The following UBXN8 variants were observed in gnomAD, a reference collection of about 807,000 sequenced individuals.
UBXN8 encodes the protein UBX domain protein 8.
Under a neutral mutation model 32.1 loss-of-function variants are expected in UBXN8, and 27 were observed. That is an observed-to-expected ratio of 0.84 (90% CI 0.62 to 1.16). The LOEUF (loss-of-function observed/expected upper bound fraction) is 1.16, where lower values mean the gene tolerates loss of function less well. UBXN8 is among the 50% of genes most tolerant of loss of function. The probability of loss-of-function intolerance (pLI) is 0.00; values close to 1 mark genes in which losing one functional copy is unlikely to be tolerated. For missense variants in UBXN8, 306 were observed against 311.4 expected (o/e 0.98, Z 0.13); for synonymous variants, 109 against 111.8 (o/e 0.98, Z 0.16).
chr8:30,750,490 C>T (rs910262621), intron 1 of UBXN8, among the ~76,000 whole-genome samples: 3 of 151,480 alleles, frequency 2.0e-5, no homozygotes, highest in Admixed American at 1.3e-4. Flanking sequence ...AACACCCTGT[C>T]GGCCGGGCAC....
At position 30,759,181 on chromosome 8, in the gene UBXN8, C is replaced by G. The variant is rs540871260; in HGVS notation, c.529-1707C>G. On this transcript the variant is annotated intron_variant, in intron 5 of 7. Transcript: ENST00000265616. ...GTGCTGGGATTACAGGCGTGAGCCA[C>G]CACGCCCGGCCACAAATGTCTTAAT... 1.3e-3 allele frequency among the ~76,000 whole-genome samples: 205 copies of G among 151,982 alleles called. 1 individual carries two copies. The highest frequency in any genetic ancestry group is 4.7e-3 in the African/African-American group (193 of 41,482).
intron 6 of UBXN8, among the ~76,000 whole-genome samples, chr8:30,762,768 A>G (rs1299940404): frequency 6.6e-6 from 1 of 152,224 alleles, no homozygotes; most frequent in African/African-American, 2.4e-5. Flanking sequence ...TATGCCTAAT[A>G]TGATACCCAC....
In UBXN8 at chr8:30,750,342, C is replaced by T. The variant is rs189622702; in HGVS notation, c.89-1054C>T. Among the ~76,000 whole-genome samples the T allele has an allele frequency of 1.4e-4, 22 of 152,172 alleles. No individual in the cohort carries two copies. In the East Asian group the frequency reaches 2.7e-3, roughly 19 times the overall value. Reference sequence around the variant, plus strand: ...CAGAAATTAGCCGGGTGTGGTGGTACGTGCCTGTAGTCCCAGCTACTTGGG... The same window carrying T: ...CAGAAATTAGCCGGGTGTGGTGGTATGTGCCTGTAGTCCCAGCTACTTGGG... On this transcript the variant is annotated intron_variant, in intron 1 of 7. Transcript: ENST00000265616.
intron 5 of UBXN8, among the ~76,000 whole-genome samples, chr8:30,759,968 TAAATAAAATA>T (rs149333500): frequency 0.037 from 5,207 of 141,624 alleles, 103 homozygotes; most frequent in South Asian, 0.053. Flanking sequence ...GAAAAATAAA[TAAATAAAATA>T]AAATAAAATA....
At chr8:30,756,735 C>G (rs759830108) in intron 4 of UBXN8, 30 bp from the exon 5 acceptor site, 1 of 1,612,938 alleles carries the variant, frequency 6.2e-7, no homozygotes, top group Non-Finnish European at 8.5e-7. Context: ...GAAAACATCT[C>G]TTTAGAAATT....
intron 1 of UBXN8, among the ~76,000 whole-genome samples, chr8:30,738,241 G>A (rs1805109978): frequency 6.6e-6 from 1 of 152,102 alleles, no homozygotes; most frequent in African/African-American, 2.4e-5. Flanking sequence ...AGTAACAGCT[G>A]GGTGCAATGA....
chr8:30,749,208 A>G (rs1056255881), intron 1 of UBXN8, among the ~76,000 whole-genome samples: 4 of 151,990 alleles, frequency 2.6e-5, no homozygotes, highest in African/African-American at 9.7e-5. Context: ...AGCCTGTCCA[A>G]CGTGGTGAAA....
chr8:30,757,443 T>C (rs1244793121), intron 5 of UBXN8, among the ~76,000 whole-genome samples: 3 of 151,656 alleles, frequency 2.0e-5, no homozygotes, highest in Non-Finnish European at 2.9e-5. Flanking sequence ...TCCCAGCTAC[T>C]GAGGAGGCTG....
intron 1 of UBXN8, among the ~76,000 whole-genome samples, chr8:30,733,503 CG>C (rs1586083083): frequency 6.6e-6 from 1 of 152,304 alleles, no homozygotes; most frequent in East Asian, 1.9e-4. Flanking sequence ...AGGACACCAG[CG>C]AGCTTCCACC....
intron 1 of UBXN8, among the ~76,000 whole-genome samples, chr8:30,735,096 G>A (rs1805043349): frequency 6.6e-6 from 1 of 152,148 alleles, no homozygotes; most frequent in Non-Finnish European, 1.5e-5. Flanking sequence ...AATAAATACT[G>A]TACTGTTATT....
At chr8:30,752,570 C>T in intron 2 of UBXN8, among the ~76,000 whole-genome samples, 1 of 152,114 alleles carries the variant, frequency 6.6e-6, no homozygotes, top group East Asian at 1.9e-4. Flanking sequence ...CTCAGTCGCC[C>T]AAAATGCTGG....
chr8:30,733,662 G>T (rs1805017213), intron 1 of UBXN8, among the ~76,000 whole-genome samples: 1 of 152,128 alleles, frequency 6.6e-6, no homozygotes, highest in African/African-American at 2.4e-5. Context: ...CTTTCTCCAG[G>T]CAGAGGGAGG....
intron 1 of UBXN8, among the ~76,000 whole-genome samples, chr8:30,744,630 TCTCA>T (rs1388810312): frequency 6.6e-6 from 1 of 152,224 alleles, no homozygotes; most frequent in East Asian, 1.9e-4. Flanking sequence ...AGAGACAGGG[TCTCA>T]CTATGTTGCC....
rs1425831872 is a variant in UBXN8 at position 30,766,258 on chromosome 8, AC to A, written c.679del (p.His227ThrfsTer27). ...VLFDWMTRIGYHISLYSLSTS... is the reference protein window; with the variant it reads ...VLFDWMTRIGXHISLYSLSTS... The stretch of plus-strand genomic sequence containing the variant: ...TTTGACTGGATGACGAGAATTGGGT[AC>A]CACATATCTCTATACAGCCTTTCTA... On this transcript the variant is annotated frameshift_variant, in exon 8 of 8. Transcript: ENST00000265616. LOFTEE classifies it high-confidence loss of function. 1 of 1,613,232 alleles carries A rather than the reference AC, an allele frequency of 6.2e-7. No individual in the cohort carries two copies. The highest frequency in any genetic ancestry group is 8.5e-7 in the Non-Finnish European group (1 of 1,179,534).
chr8:30,733,761 C>G (rs1247815464), intron 1 of UBXN8: 1 of 152,286 alleles, frequency 6.6e-6, no homozygotes, highest in Non-Finnish European at 1.5e-5. Flanking sequence ...ATCCTCTGGC[C>G]TCAGCCTCCC....
chr8:30,730,793 T>C (rs575321642), upstream of UBXN8, among the ~76,000 whole-genome samples: 8 of 152,370 alleles, frequency 5.3e-5, no homozygotes, highest in Non-Finnish European at 2.9e-5. Context: ...ATGATTAACA[T>C]GGCTTTAGTT....
At chr8:30,749,807 G>A (rs897666781) in intron 1 of UBXN8, among the ~76,000 whole-genome samples, 1 of 151,834 alleles carries the variant, frequency 6.6e-6, no homozygotes, top group Non-Finnish European at 1.5e-5. Flanking sequence ...GGGTTTCACC[G>A]TGATAGCCAG....
At chr8:30,742,849 A>C (rs1469174), upstream of UBXN8, among the ~76,000 whole-genome samples, 151,651 of 152,178 alleles carry the variant, frequency 1, 75,565 homozygotes, top group Middle Eastern at 1. Context: ...AGCACTCAGG[A>C]ACTGCATTAT....
intron 1 of UBXN8, among the ~76,000 whole-genome samples, chr8:30,747,746 G>A (rs1344824509): frequency 7.4e-6 from 1 of 135,154 alleles, no homozygotes; most frequent in Non-Finnish European, 1.5e-5. Flanking sequence ...TGGAGGAGCC[G>A]TGATTTTTTT....
Sources: allele counts gnomAD v4.1 joint callset (sites outside exome capture counted in the v4.1 genomes callset), GRCh38; gene constraint gnomAD v4.1.1; transcripts MANE v1.5; gene names NCBI Gene and HGNC (gene_info 2026-07-23, HGNC 2026-07-21).